Variants in APBA1 observed in about 807,000 individuals in gnomAD.
APBA1 encodes amyloid beta precursor protein binding family A member 1, also known as amyloid-beta A4 precursor protein-binding family A member 1.
In APBA1, 55 loss-of-function variants were observed where a neutral mutation model predicts 86.6. The observed-to-expected ratio is 0.64, with a 90% CI of 0.51 to 0.80. The LOEUF (loss-of-function observed/expected upper bound fraction) is 0.80. APBA1 is among the 30% of genes least tolerant of loss of function. The pLI is 0.00. For synonymous variants in APBA1, 511 were observed against 493.9 expected, an observed-to-expected ratio of 1.03 and a Z score of -0.46; for missense variants, 1,090 against 1,183.0, an observed-to-expected ratio of 0.92 and a Z score of 1.15.
At chr9:69,489,307 C>A (rs557922864) in intron 2 of APBA1, among the ~76,000 whole-genome samples, 1 of 151,958 alleles carries the variant, frequency 6.6e-6, no homozygotes, top group South Asian at 2.1e-4. Flanking sequence ...CAGAACAGAG[C>A]CCTCAGAAAT....
chr9:69,652,482 T>C (rs1386892401), intron 1 of APBA1, among the ~76,000 whole-genome samples: 1 of 152,188 alleles, frequency 6.6e-6, no homozygotes. Context: ...AGAAGCAGCC[T>C]GTCTAAGCTG....
At chr9:69,606,744 G>A (rs1033625273) in intron 1 of APBA1, among the ~76,000 whole-genome samples, 1 of 151,966 alleles carries the variant, frequency 6.6e-6, no homozygotes, top group Non-Finnish European at 1.5e-5. Flanking sequence ...CGCACGCCTC[G>A]GCCTCCCAAA....
intron 1 of APBA1, among the ~76,000 whole-genome samples, chr9:69,625,441 G>C (rs1475084860): frequency 6.6e-6 from 1 of 152,138 alleles, no homozygotes; most frequent in Admixed American, 6.5e-5. Flanking sequence ...CACAGGAAGA[G>C]GGATCTTGTC....
At chr9:69,612,986 C>T (rs188677300) in intron 1 of APBA1, among the ~76,000 whole-genome samples, 291 of 151,998 alleles carry the variant, frequency 1.9e-3, no homozygotes, top group African/African-American at 6.2e-3. Flanking sequence ...CGTAAAATGA[C>T]TGGTTATTTA....
chr9:69,658,282 T>TTCTTTCTTTCTTTCTTTCTCTC (rs1554709948), intron 1 of APBA1, among the ~76,000 whole-genome samples: 1 of 39,790 alleles, frequency 2.5e-5, no homozygotes, highest in African/African-American at 6.3e-5. Flanking sequence ...CTTTCTTTCT[T>TTCTTTCTTTCTTTCTTTCTCTC]TCTCTCTCTC....
In APBA1 at chr9:69,431,209, T is replaced by C; in HGVS notation, c.*118A>G. ...GTCCTTGTGGATTCTTCTCTTCCTG[T>C]GTAAAACCAAATGCTGGGCGCGAGA... On this transcript the variant is annotated 3_prime_UTR_variant, in exon 13 of 13. Transcript: ENST00000265381. The C allele has an allele frequency of 5.5e-6, 4 of 725,252 alleles. No individual in the cohort carries two copies. The Admixed American group carries it at 8.8e-5, about 16-fold the overall frequency. 44.9% of individuals were successfully genotyped at this position (725,252 alleles called of 1,614,324 possible).
At chr9:69,538,776 A>G in intron 1 of APBA1, among the ~76,000 whole-genome samples, 1 of 152,142 alleles carries the variant, frequency 6.6e-6, no homozygotes, top group East Asian at 1.9e-4. Context: ...CACTTACAAG[A>G]TGTGTTTTTA....
Position 69,517,092 on chromosome 9 carries a change from T to G in APBA1, c.119A>C (p.Gln40Pro), listed in dbSNP as rs766242972. ...EHPEVEEEQQ[Q>P]PPQQQHYVGR... ...CACATAGTGCTGCTGCTGCGGCGGCTGCTGCTGTTCCTCTTCCACCTCGGG... is the reference window on the plus strand; with the variant it reads ...CACATAGTGCTGCTGCTGCGGCGGCGGCTGCTGTTCCTCTTCCACCTCGGG... Residue 40 changes from glutamine to proline, a missense_variant, in exon 2 of 13, where the codon CAG (glutamine) becomes CCG (proline). Gln to Pro is a moderately conservative substitution (Grantham distance 76). This residue lies in a region of APBA1 where 678 missense variants were observed against 647.1 expected (regional missense o/e 1.05). Transcript: ENST00000265381. 9 of 1,579,656 alleles carry G rather than the reference T, an allele frequency of 5.7e-6. No individual in the cohort carries two copies. The Admixed American group carries it at 1.3e-4, about 22-fold the overall frequency.
chr9:69,655,286 A>G (rs1431333029), intron 1 of APBA1, among the ~76,000 whole-genome samples: 2 of 152,162 alleles, frequency 1.3e-5, no homozygotes, highest in African/African-American at 4.8e-5. Context: ...GCAGATATGA[A>G]TATATATACA....
chr9:69,434,543 C>T (rs1834664247), intron 11 of APBA1, among the ~76,000 whole-genome samples: 1 of 152,022 alleles, frequency 6.6e-6, no homozygotes. Context: ...CATGCCTCTA[C>T]TAAAAATACA....
intron 5 of APBA1, 65 bp downstream of exon 5, chr9:69,467,758 G>A: frequency 6.3e-7 from 1 of 1,594,032 alleles, no homozygotes; most frequent in Non-Finnish European, 8.6e-7. Flanking sequence ...TGTGGCCAGT[G>A]TTGTAGACTG....
intron 1 of APBA1, among the ~76,000 whole-genome samples, chr9:69,646,749 A>C (rs2134012625): frequency 6.6e-6 from 1 of 152,358 alleles, no homozygotes; most frequent in East Asian, 1.9e-4. Context: ...TCTAAGCCAC[A>C]GTTTCCAACT....
At chr9:69,658,294 T>TTTC (rs1564104961) in intron 1 of APBA1, among the ~76,000 whole-genome samples, 652 of 44,510 alleles carry the variant, frequency 0.015, 24 homozygotes, top group African/African-American at 0.026. Flanking sequence ...CTCTCTCTCT[T>TTTC]TCTCTCTCTC....
intron 12 of APBA1, 149 bp from the exon 13 acceptor site, chr9:69,431,547 C>G (rs899478894): frequency 6.4e-6 from 4 of 628,342 alleles, no homozygotes; most frequent in Non-Finnish European, 1.1e-5. Flanking sequence ...GGGACCTGAC[C>G]CAGGGTGGCC....
At chr9:69,436,752 T>A (rs1472244914) in intron 11 of APBA1, among the ~76,000 whole-genome samples, 1 of 152,170 alleles carries the variant, frequency 6.6e-6, no homozygotes, top group Admixed American at 6.5e-5. Flanking sequence ...CTTTTCCTAA[T>A]TGAATGCCCT....
At chr9:69,657,159 A>G (rs1035933791) in intron 1 of APBA1, among the ~76,000 whole-genome samples, 3 of 152,202 alleles carry the variant, frequency 2.0e-5, no homozygotes, top group Non-Finnish European at 4.4e-5. Context: ...CGGGAGATCT[A>G]AGAGACCTGC....
At chr9:69,440,731 C>T (rs567172626) in intron 11 of APBA1, among the ~76,000 whole-genome samples, 8 of 152,262 alleles carry the variant, frequency 5.3e-5, no homozygotes, top group African/African-American at 9.6e-5. Context: ...TTGCGCTTCC[C>T]GGGTGAGGCG....
At chr9:69,635,016 TA>T (rs1823126635) in intron 1 of APBA1, among the ~76,000 whole-genome samples, 1 of 151,960 alleles carries the variant, frequency 6.6e-6, no homozygotes, top group Non-Finnish European at 1.5e-5. Context: ...TAATGAACAA[TA>T]AGAAATCATC....
At chr9:69,572,977 C>T (rs762605008) in intron 1 of APBA1, among the ~76,000 whole-genome samples, 3 of 151,898 alleles carry the variant, frequency 2.0e-5, no homozygotes, top group Non-Finnish European at 1.5e-5. Flanking sequence ...AGAGACCATC[C>T]CAGTACATAA....
Sources: gnomAD v4.1 joint callset for allele counts (sites outside exome capture counted in the v4.1 genomes callset) on GRCh38, gnomAD v4.1.1 for gene constraint, gnomAD v4.1.1 regional missense constraint, MANE v1.5 for transcripts, NCBI Gene and HGNC (gene_info 2026-07-23, HGNC 2026-07-21) for gene names.